MAP4K4: variants seen among roughly 807,000 people sequenced by gnomAD.
MAP4K4 encodes HPK/GCK-like kinase HGK.
Under a neutral mutation model 189.6 loss-of-function variants are expected in MAP4K4, and 38 were observed. The ratio of observed to expected loss-of-function variants is 0.20; its 90% CI spans 0.15 to 0.26. The LOEUF is 0.26. Among genes scored for constraint, MAP4K4 ranks in the 10% least tolerant of loss-of-function variants. The probability of loss-of-function intolerance (pLI) is 1.00; values close to 1 mark genes in which losing one functional copy is unlikely to be tolerated. For synonymous variants in MAP4K4, 610 were observed against 624.3 expected (o/e 0.98, Z 0.34); for missense variants, 1,054 against 1,726.9 (o/e 0.61, Z 6.91).
intron 2 of MAP4K4, among the ~76,000 whole-genome samples, chr2:101,724,759 T>C (rs1304620448): frequency 6.6e-6 from 1 of 152,232 alleles, no homozygotes; most frequent in African/African-American, 2.4e-5. Flanking sequence ...CATAGCTCTA[T>C]GGATGAGGCC....
At chr2:101,745,839 AC>A (rs2065215617) in intron 2 of MAP4K4, among the ~76,000 whole-genome samples, 1 of 145,948 alleles carries the variant, frequency 6.9e-6, no homozygotes, top group African/African-American at 2.6e-5. Context: ...TTTGTTGCCT[AC>A]TTTTTTTTTT....
At chr2:101,716,915 G>C (rs1181801452) in intron 2 of MAP4K4, among the ~76,000 whole-genome samples, 2 of 152,072 alleles carry the variant, frequency 1.3e-5, no homozygotes, top group African/African-American at 2.4e-5. Context: ...AAAGTTTCGA[G>C]TATTATAAAA....
At chr2:101,717,367 A>T (rs1416429883) in intron 2 of MAP4K4, among the ~76,000 whole-genome samples, 1 of 152,180 alleles carries the variant, frequency 6.6e-6, no homozygotes, top group Non-Finnish European at 1.5e-5. Flanking sequence ...AACTAGATTG[A>T]ATCTGCTGTT....
At chr2:101,886,388 T>TAGTTCAAATA (rs11271193) in intron 29 of MAP4K4, among the ~76,000 whole-genome samples, 92,479 of 151,960 alleles carry the variant, frequency 0.61, 29,916 homozygotes, top group African/African-American at 0.84. Context: ...AGAGACCTTA[T>TAGTTCAAATA]GCTACTAGTA....
intron 2 of MAP4K4, among the ~76,000 whole-genome samples, chr2:101,780,800 G>A (rs11897458): frequency 0.052 from 7,989 of 152,234 alleles, 247 homozygotes; most frequent in African/African-American, 0.069. Context: ...TATTTTTAAC[G>A]TATCTTGACA....
At chr2:101,812,501 T>G (rs545836286) in intron 3 of MAP4K4, among the ~76,000 whole-genome samples, 3 of 152,118 alleles carry the variant, frequency 2.0e-5, no homozygotes, top group Admixed American at 6.5e-5. Context: ...GAGTAAAGAT[T>G]AAGGAACACA....
intron 2 of MAP4K4, among the ~76,000 whole-genome samples, chr2:101,746,069 C>T (rs1003020695): frequency 3.2e-4 from 49 of 151,912 alleles, no homozygotes; most frequent in African/African-American, 1.2e-3. Context: ...TAACTCACTG[C>T]AGCCTTGAAC....
chr2:101,856,875 C>G (rs2149791301), intron 13 of MAP4K4, among the ~76,000 whole-genome samples: 1 of 152,186 alleles, frequency 6.6e-6, no homozygotes, highest in East Asian at 1.9e-4. Flanking sequence ...ACTTATAAAC[C>G]ATGGTGTTAA....
At chr2:101,760,122 A>G (rs534276303) in intron 2 of MAP4K4, among the ~76,000 whole-genome samples, 1 of 151,282 alleles carries the variant, frequency 6.6e-6, no homozygotes, top group African/African-American at 2.4e-5. Context: ...TTGGGATCAC[A>G]GGCATGAGCC....
chr2:101,801,022 A>T, intron 3 of MAP4K4, among the ~76,000 whole-genome samples: 1 of 72,566 alleles, frequency 1.4e-5, no homozygotes, highest in African/African-American at 8.2e-5. Context: ...TGTATAATCT[A>T]AATTGCTGTT....
intron 27 of MAP4K4, 101 bp from the exon 28 acceptor site, chr2:101,882,450 G>C (rs1045373925): frequency 2.2e-6 from 2 of 889,204 alleles, no homozygotes; most frequent in Non-Finnish European, 3.2e-6. Context: ...CTAGGTTTAA[G>C]TGCTGGCCTT....
At chr2:101,869,834 T>C (rs1469157817) in intron 22 of MAP4K4, 37 bp downstream of exon 22, 2 of 1,485,038 alleles carry the variant, frequency 1.3e-6, no homozygotes, top group Non-Finnish European at 1.8e-6. Context: ...GATGAGAGTA[T>C]TCTCTCAGAG....
chr2:101,756,081 C>G (rs2072588153), intron 2 of MAP4K4, among the ~76,000 whole-genome samples: 1 of 151,882 alleles, frequency 6.6e-6, no homozygotes, highest in Admixed American at 6.6e-5. Flanking sequence ...GATGGGACTG[C>G]AGGCAACCGC....
At chr2:101,867,567 C>A in intron 20 of MAP4K4, 1 of 424,522 alleles carries the variant, frequency 2.4e-6, no homozygotes, top group Non-Finnish European at 4.2e-6. Context: ...GTCAGCCTTA[C>A]AAAATTATGC....
At chr2:101,824,189 A>G (rs2096245907) in intron 4 of MAP4K4, 136 bp downstream of exon 4, 1 of 870,426 alleles carries the variant, frequency 1.1e-6, no homozygotes, top group Admixed American at 3.5e-5. Flanking sequence ...GCAGGTTCTA[A>G]AGGCTTCCTT....
In MAP4K4 at chr2:101,891,152, T is replaced by G. The variant is rs1033252088; in HGVS notation, c.4072-14T>G. 9 of 1,610,608 alleles carry G rather than the reference T, an allele frequency of 5.6e-6. No homozygotes were observed. In the East Asian group the frequency reaches 2.0e-4, roughly 36 times the overall value. On this transcript the variant is annotated splice_polypyrimidine_tract_variant and intron_variant, in intron 32 of 32. Transcript: ENST00000324219. ...ACCATGGTAACCATTCCCTCTCTTTTCTTGCTTTTGCAGGTGTTCTTTGCC... is the reference window on the plus strand; with the variant it reads ...ACCATGGTAACCATTCCCTCTCTTTGCTTGCTTTTGCAGGTGTTCTTTGCC...
At chr2:101,823,806 T>C in intron 3 of MAP4K4, 122 bp from the exon 4 acceptor site, 2 of 769,566 alleles carry the variant, frequency 2.6e-6, no homozygotes, top group East Asian at 2.9e-5. Flanking sequence ...TGAATGTATA[T>C]GTGCCTCTGC....
intron 27 of MAP4K4, among the ~76,000 whole-genome samples, chr2:101,882,112 C>T (rs997207799): frequency 3.3e-5 from 5 of 152,186 alleles, no homozygotes; most frequent in African/African-American, 1.2e-4. Flanking sequence ...TAACAGTTTA[C>T]AACACTAGTT....
At chr2:101,744,527 A>C (rs2064303081) in intron 2 of MAP4K4, among the ~76,000 whole-genome samples, 1 of 152,004 alleles carries the variant, frequency 6.6e-6, no homozygotes, top group African/African-American at 2.4e-5. Context: ...TAGATGTTAG[A>C]TTTGTAGAGC....
Sources: allele counts gnomAD v4.1 joint callset (sites outside exome capture counted in the v4.1 genomes callset), GRCh38; gene constraint gnomAD v4.1.1; transcripts MANE v1.5; gene names NCBI Gene and HGNC (gene_info 2026-07-23, HGNC 2026-07-21).